ELFN1: variants seen among roughly 807,000 people sequenced by gnomAD.
ELFN1 encodes protein ELFN1.
In ELFN1, 6 loss-of-function variants were observed where a neutral mutation model predicts 7.6. That is an observed-to-expected ratio of 0.79 (90% CI 0.43 to 1.56). The LOEUF (loss-of-function observed/expected upper bound fraction) is 1.56, where lower values mean the gene tolerates loss of function less well. Among genes scored for constraint, ELFN1 ranks in the 40% most tolerant of loss-of-function variants. The pLI, the probability that ELFN1 is intolerant of heterozygous loss-of-function variation, is 0.01. For synonymous variants in ELFN1, 657 were observed against 588.1 expected (o/e 1.12, Z -1.70); for missense variants, 1,169 against 1,232.2 (o/e 0.95, Z 0.77).
rs1296443807 is a variant in ELFN1 at position 1,744,552 on chromosome 7, TC to T, written c.-40del. On this transcript the variant is annotated 5_prime_UTR_variant, in exon 4 of 4. Coordinates refer to ENST00000424383, the MANE Select transcript of ELFN1 (RefSeq NM_001128636.4). ...GGCTGGCGCCTGGCCCCCCACCTGG[TC>T]CCCCTGGGCAGGCTGAATTGGGGCT... 38 of 1,442,342 alleles carry T rather than the reference TC, an allele frequency of 2.6e-5. No homozygotes were observed. The East Asian group carries it at 9.0e-4, about 34-fold the overall frequency. 89.3% of individuals were successfully genotyped at this position (1,442,342 alleles called of 1,614,324 possible).
chr7:1,714,242 C>G (rs932302447), intron 3 of ELFN1, among the ~76,000 whole-genome samples: 8 of 152,158 alleles, frequency 5.3e-5, no homozygotes, highest in African/African-American at 1.9e-4. Flanking sequence ...GGAACAAACC[C>G]TCTCACGACA....
intron 3 of ELFN1, among the ~76,000 whole-genome samples, chr7:1,721,254 C>A (rs751967084): frequency 7.9e-5 from 12 of 152,174 alleles, no homozygotes; most frequent in Non-Finnish European, 1.6e-4. Context: ...CCCAACCAGG[C>A]CTGATGTTTT....
chr7:1,697,043 C>A (rs546736516), intron 2 of ELFN1, among the ~76,000 whole-genome samples: 2 of 152,304 alleles, frequency 1.3e-5, no homozygotes, highest in South Asian at 4.1e-4. Context: ...GGTCCAAGGC[C>A]CAGCGCCCCT....
At chr7:1,696,479 C>T (rs958195084) in intron 2 of ELFN1, among the ~76,000 whole-genome samples, 4 of 151,690 alleles carry the variant, frequency 2.6e-5, no homozygotes, top group Non-Finnish European at 4.4e-5. Context: ...GCAGCCTCCA[C>T]CTCCTGGGCT....
intron 3 of ELFN1, among the ~76,000 whole-genome samples, chr7:1,713,766 C>T (rs781191400): frequency 3.9e-5 from 6 of 152,206 alleles, no homozygotes; most frequent in Non-Finnish European, 7.3e-5. Context: ...GGGGCGATGT[C>T]CTTGCCAGCA....
intron 1 of ELFN1, among the ~76,000 whole-genome samples, chr7:1,671,615 C>T (rs1421832366): frequency 1.3e-5 from 2 of 152,186 alleles, no homozygotes; most frequent in Admixed American, 6.5e-5. Flanking sequence ...CAAAGAGGTC[C>T]AGCTTGCACC....
chr7:1,732,567 T>A (rs1780346946), intron 3 of ELFN1, among the ~76,000 whole-genome samples: 1 of 152,162 alleles, frequency 6.6e-6, no homozygotes. Context: ...TTTTGATCCT[T>A]CTTTACACCA....
At chr7:1,733,762 C>G (rs933476577) in intron 3 of ELFN1, among the ~76,000 whole-genome samples, 1 of 152,158 alleles carries the variant, frequency 6.6e-6, no homozygotes, top group African/African-American at 2.4e-5. Context: ...TTAACAGCAG[C>G]CAGGAAACAC....
intron 3 of ELFN1, among the ~76,000 whole-genome samples, chr7:1,720,730 A>T (rs892790693): frequency 7.7e-5 from 6 of 78,396 alleles, no homozygotes; most frequent in Admixed American, 2.8e-4. Flanking sequence ...TCCCCCCAGC[A>T]CCCCCCACCC....
intron 1 of ELFN1, among the ~76,000 whole-genome samples, chr7:1,675,479 A>C (rs1311646270): frequency 6.6e-6 from 1 of 152,216 alleles, no homozygotes; most frequent in Non-Finnish European, 1.5e-5. Context: ...GTGTTTACCG[A>C]CAGATCCGAG....
intron 1 of ELFN1, among the ~76,000 whole-genome samples, chr7:1,675,894 C>G (rs969495324): frequency 1.4e-4 from 21 of 152,224 alleles, no homozygotes; most frequent in African/African-American, 4.8e-4. Flanking sequence ...GCTTGGCTCC[C>G]TCACTGCCAT....
intron 2 of ELFN1, among the ~76,000 whole-genome samples, chr7:1,696,153 C>T (rs1375148451): frequency 6.6e-6 from 1 of 151,590 alleles, no homozygotes; most frequent in Non-Finnish European, 1.5e-5. Flanking sequence ...ACCGTGTCCT[C>T]CCAAGACAGA....
At chr7:1,725,522 C>T (rs768725512) in intron 3 of ELFN1, among the ~76,000 whole-genome samples, 14 of 152,130 alleles carry the variant, frequency 9.2e-5, no homozygotes, top group African/African-American at 1.2e-4. Context: ...GCCTCCCTCC[C>T]GGGCCGGCTG....
upstream of ELFN1, among the ~76,000 whole-genome samples, chr7:1,667,821 G>A (rs1583299282): frequency 2.0e-5 from 3 of 152,268 alleles, no homozygotes; most frequent in South Asian, 6.2e-4. This position sits in a 1 kb window ranked among gnomAD's most constrained non-coding sequence, Gnocchi z 8.2. Flanking sequence ...CGCGGCGTTG[G>A]GCCCCGGACA....
At chr7:1,690,564 G>A (rs2128579790) in intron 2 of ELFN1, among the ~76,000 whole-genome samples, 1 of 151,668 alleles carries the variant, frequency 6.6e-6, no homozygotes, top group African/African-American at 2.4e-5. Flanking sequence ...ATGGATGGGT[G>A]AGTGTGAATG....
chr7:1,725,851 A>G (rs531546360), intron 3 of ELFN1, among the ~76,000 whole-genome samples: 89 of 148,676 alleles, frequency 6.0e-4, no homozygotes, highest in African/African-American at 2.2e-3. Flanking sequence ...TACACACTCA[A>G]AATAACACAC....
Position 1,705,148 on chromosome 7 carries a change from G to T in ELFN1, c.-455-3943G>T, listed in dbSNP as rs113175877. Among the ~76,000 whole-genome samples, 2 of 152,240 alleles carry T rather than the reference G, an allele frequency of 1.3e-5. No individual in the cohort carries two copies. Among genetic ancestry groups the T allele is most frequent in the African/African-American group, 2.4e-5 (1 of 41,562 alleles). On this transcript the variant is annotated intron_variant, in intron 2 of 3. Transcript: ENST00000424383. This position sits in a 1 kb window ranked among gnomAD's most constrained non-coding sequence, Gnocchi z 4.3. ...AGGAGGTAACAGCCTGAGGGCTGCAGGTCACACCCACAGGGCCAAGGGGTG... is the reference window on the plus strand; with the variant it reads ...AGGAGGTAACAGCCTGAGGGCTGCATGTCACACCCACAGGGCCAAGGGGTG...
At chr7:1,741,961 C>T (rs961394916) in intron 3 of ELFN1, among the ~76,000 whole-genome samples, 1 of 151,952 alleles carries the variant, frequency 6.6e-6, no homozygotes, top group African/African-American at 2.4e-5. Flanking sequence ...TGTGCACACA[C>T]ATCTGTACAC....
At chr7:1,741,631 G>A (rs1236557138) in intron 3 of ELFN1, among the ~76,000 whole-genome samples, 1 of 152,214 alleles carries the variant, frequency 6.6e-6, no homozygotes, top group Non-Finnish European at 1.5e-5. Context: ...GAGCCAGGAA[G>A]GGGGAGAGAG....
Sources: gnomAD v4.1 joint callset for allele counts (sites outside exome capture counted in the v4.1 genomes callset) on GRCh38, gnomAD v4.1.1 for gene constraint, Gnocchi (gnomAD v3.1) non-coding constraint, MANE v1.5 for transcripts, NCBI Gene and HGNC (gene_info 2026-07-23, HGNC 2026-07-21) for gene names.